ALDH1L1: variants seen among roughly 807,000 people sequenced by gnomAD.
ALDH1L1 encodes aldehyde dehydrogenase 1 family member L1.
A neutral mutation model predicts 101.1 loss-of-function variants in ALDH1L1; 68 were observed. The observed-to-expected ratio is 0.67, with a 90% CI of 0.55 to 0.82. The LOEUF (loss-of-function observed/expected upper bound fraction) is 0.82. Ranked by LOEUF, ALDH1L1 falls within the 40% of genes least tolerant of loss-of-function variation. The pLI, the probability that ALDH1L1 is intolerant of heterozygous loss-of-function variation, is 0.00. For missense variants in ALDH1L1, 1,087 were observed against 1,172.7 expected (o/e 0.93, Z 1.07); for synonymous variants, 486 against 470.8 (o/e 1.03, Z -0.42).
Position 126,194,907 on chromosome 3 carries a change from C to A in ALDH1L1, c.-24+2828G>T, listed in dbSNP as rs566558319. On this transcript the variant is annotated intron_variant, in intron 1 of 2. Transcript: ENST00000509952. ...ACTTTTACTTTTGGTGCATAAATTT[C>A]TTTTCATGAATCCTTTCACAATGTA... is the stretch of plus-strand genomic sequence containing the variant. Among the ~76,000 whole-genome samples, 31 of 152,138 alleles carry A rather than the reference C, an allele frequency of 2.0e-4. No homozygotes were observed. In the South Asian group the frequency reaches 6.0e-3, roughly 30 times the overall value.
At chr3:126,146,264 G>A (rs879515645) in intron 9 of ALDH1L1, among the ~76,000 whole-genome samples, 17 of 152,018 alleles carry the variant, frequency 1.1e-4, no homozygotes, top group South Asian at 2.1e-4. Context: ...TGAACACAAC[G>A]TGCTCACTCT....
At chr3:126,129,923 G>C (rs779451805) in intron 14 of ALDH1L1, 1 of 224,782 alleles carries the variant, frequency 4.4e-6, no homozygotes, top group Non-Finnish European at 8.7e-6. Flanking sequence ...CCTCAGTGCT[G>C]TGCAGGAGTT....
chr3:126,117,882 A>G, intron 17 of ALDH1L1, 123 bp downstream of exon 17: 1 of 961,516 alleles, frequency 1.0e-6, no homozygotes. Flanking sequence ...AGAGCCCAGC[A>G]GGGCCACGGA....
chr3:126,136,953 C>G, intron 10 of ALDH1L1, 70 bp from the exon 11 acceptor site: 1 of 1,590,062 alleles, frequency 6.3e-7, no homozygotes, highest in Non-Finnish European at 8.6e-7. Flanking sequence ...GATGGCCACA[C>G]AGTCACACAC....
At chr3:126,177,304 T>C (rs985675774) in intron 1 of ALDH1L1, among the ~76,000 whole-genome samples, 1 of 152,200 alleles carries the variant, frequency 6.6e-6, no homozygotes, top group Admixed American at 6.5e-5. Context: ...AACCAAGATA[T>C]CCTGTAGTAT....
chr3:126,115,144 A>G (rs2079935488), intron 17 of ALDH1L1: 1 of 454,894 alleles, frequency 2.2e-6, no homozygotes, highest in Non-Finnish European at 4.4e-6. Context: ...CAAATTAAGG[A>G]ATACAAAACA....
rs79012325 is a variant in ALDH1L1 at position 126,188,313 on chromosome 3, T to C, written c.-24+9422A>G. ...ATTTGTGGAATGTGAAACCTGTGTA[T>C]GCAAAGGGCCAACTTTTCGTATTCA... On this transcript the variant is annotated intron_variant, in intron 1 of 2. Coordinates refer to the ALDH1L1 transcript ENST00000509952. Among the ~76,000 whole-genome samples, 194 of 152,336 alleles carry C rather than the reference T, an allele frequency of 1.3e-3. 1 individual carries two copies. The East Asian group carries it at 0.036, about 29-fold the overall frequency.
intron 9 of ALDH1L1, among the ~76,000 whole-genome samples, chr3:126,141,778 C>G (rs1233841084): frequency 2.0e-5 from 3 of 151,824 alleles, no homozygotes; most frequent in Admixed American, 2.0e-4. Context: ...GTAACCTACA[C>G]TGTACACCTT....
rs1267850526 is a variant in ALDH1L1, at chr3:126,150,460, G to C, written c.930C>G (p.Ala310=). Residue 310 remains alanine (A), a synonymous_variant, in exon 8 of 23, where the codon GCC becomes GCG. Transcript: ENST00000393434. ...ILASNFFKGA[A]SSVLELTEAE... The stretch of plus-strand genomic sequence containing the variant: ...CCTCTGTCAGCTCAAGGACACTGCT[G>C]GCTGCCCCCTTAAAGAAGTTCGAGG... 1.9e-6 allele frequency: 3 copies of C among 1,551,606 alleles called. No homozygotes were observed. The highest frequency in any genetic ancestry group is 2.0e-5 in the Admixed American group (1 of 51,008).
chr3:126,156,679 C>T (rs2080913517), intron 4 of ALDH1L1: 1 of 152,314 alleles, frequency 6.6e-6, no homozygotes, highest in African/African-American at 2.4e-5. Context: ...CTGAGCCGCC[C>T]TGCCGCTCAG....
At chr3:126,169,061 A>T (rs141185320) in intron 1 of ALDH1L1, among the ~76,000 whole-genome samples, 189 of 152,346 alleles carry the variant, frequency 1.2e-3, no homozygotes, top group African/African-American at 4.3e-3. Flanking sequence ...CAGCAACAAC[A>T]ACAACAAAAC....
Position 126,103,700 on chromosome 3 carries a change from A to C in ALDH1L1, c.*91T>G, listed in dbSNP as rs1419754715. 7.2e-7 allele frequency: 1 copy of C among 1,384,656 alleles called. No individual in the cohort carries two copies. The highest frequency in any genetic ancestry group is 1.0e-6 in the Non-Finnish European group (1 of 992,258). 85.8% of individuals were successfully genotyped at this position (1,384,656 alleles called of 1,614,324 possible). A position where few individuals can be genotyped will look rare whatever the true frequency, so the allele number is the denominator to read the frequency against. On this transcript the variant is annotated 3_prime_UTR_variant, in exon 23 of 23. Transcript: ENST00000393434. Reference sequence around the variant, plus strand: ...GCAGGAGGGCTTCCACTAGCCCCCCAGGTGGGAGGTGCTGTGCACCCAGGC... The same window carrying C: ...GCAGGAGGGCTTCCACTAGCCCCCCCGGTGGGAGGTGCTGTGCACCCAGGC...
intron 12 of ALDH1L1, among the ~76,000 whole-genome samples, chr3:126,131,834 C>T (rs1436440924): frequency 1.3e-5 from 2 of 152,264 alleles, no homozygotes; most frequent in African/African-American, 4.8e-5. Flanking sequence ...CCTGCAGAGG[C>T]ATTCACCCAC....
At chr3:126,114,529 C>A in intron 18 of ALDH1L1, 28 bp downstream of exon 18, 1 of 1,479,716 alleles carries the variant, frequency 6.8e-7, no homozygotes, top group South Asian at 1.5e-5. Context: ...CGCTCACTGT[C>A]CCTGCCCCCT....
At chr3:126,173,466 C>T (rs80240683) in intron 1 of ALDH1L1, among the ~76,000 whole-genome samples, 4,503 of 150,488 alleles carry the variant, frequency 0.03, 211 homozygotes, top group African/African-American at 0.1. Flanking sequence ...AACTGATATG[C>T]TAAGAGAGAA....
chr3:126,111,999 G>A (rs901787566), intron 19 of ALDH1L1, among the ~76,000 whole-genome samples: 21 of 152,342 alleles, frequency 1.4e-4, no homozygotes, highest in African/African-American at 5.1e-4. Flanking sequence ...ACCATGTGGT[G>A]AGAAGGTAAT....
intron 9 of ALDH1L1, among the ~76,000 whole-genome samples, chr3:126,142,125 A>C (rs899614609): frequency 7.0e-6 from 1 of 143,460 alleles, no homozygotes; most frequent in African/African-American, 2.8e-5. Context: ...AGAAACACAC[A>C]ATCTACCAAA....
chr3:126,112,199 C>T (rs1946100005), intron 19 of ALDH1L1, among the ~76,000 whole-genome samples: 1 of 152,180 alleles, frequency 6.6e-6, no homozygotes, highest in Non-Finnish European at 1.5e-5. Context: ...TGGTGGGAGA[C>T]ACTGTCCTGT....
chr3:126,157,845 G>T (rs72967762), intron 3 of ALDH1L1, among the ~76,000 whole-genome samples: 7,234 of 152,238 alleles, frequency 0.048, 207 homozygotes, highest in Middle Eastern at 0.082. Flanking sequence ...AGACCAGTCC[G>T]ACTACAAATC....
Sources: gnomAD v4.1 joint callset for allele counts (sites outside exome capture counted in the v4.1 genomes callset) on GRCh38, gnomAD v4.1.1 for gene constraint, MANE v1.5 for transcripts, NCBI Gene and HGNC (gene_info 2026-07-23, HGNC 2026-07-21) for gene names.